PCNX4: variants seen among roughly 807,000 people sequenced by gnomAD.
PCNX4 encodes pecanex 4, also known as pecanex-like protein 4.
A neutral mutation model predicts 107.2 loss-of-function variants in PCNX4; 103 were observed. The ratio of observed to expected loss-of-function variants is 0.96; its 90% CI spans 0.82 to 1.13. The LOEUF is 1.13. Among genes scored for constraint, PCNX4 ranks in the 50% most tolerant of loss-of-function variants. PCNX4 has a pLI of 0.00. For synonymous variants in PCNX4, 541 were observed against 481.7 expected (o/e 1.12, Z -1.61); for missense variants, 1,528 against 1,379.4 (o/e 1.11, Z -1.71).
At chr14:60,121,835 A>G (rs575985805) in intron 8 of PCNX4, among the ~76,000 whole-genome samples, 4 of 152,234 alleles carry the variant, frequency 2.6e-5, no homozygotes, top group Admixed American at 6.5e-5. Flanking sequence ...GCACATTGCT[A>G]AGTCCAGTGA....
At position 60,134,262 on chromosome 14, in the gene PCNX4, AT is replaced by A. The variant is rs1343466024; in HGVS notation, c.*47del. 1 of 1,594,992 alleles carries A rather than the reference AT, an allele frequency of 6.3e-7. No individual in the cohort carries two copies. Among genetic ancestry groups the A allele is most frequent in the Non-Finnish European group, 8.6e-7 (1 of 1,168,250 alleles). Reference sequence around the variant, plus strand: ...TAATGTCATCAAATGCAATGTTTTTATTTTTTCATCCTAAAAAAGTAACTGT... The same window carrying A: ...TAATGTCATCAAATGCAATGTTTTTATTTTTCATCCTAAAAAAGTAACTGT... On this transcript the variant is annotated 3_prime_UTR_variant, in exon 11 of 11. Coordinates refer to ENST00000406854, the MANE Select transcript of PCNX4 (RefSeq NM_001330177.2).
rs180973549 is a variant in PCNX4 at position 60,112,843 on chromosome 14, C to T, written c.690-1857C>T. Among the ~76,000 whole-genome samples, 16 of 152,308 alleles carry T rather than the reference C, an allele frequency of 1.1e-4. No individual in the cohort carries two copies. In the East Asian group the frequency reaches 3.1e-3, roughly 29 times the overall value. On this transcript the variant is annotated intron_variant, in intron 2 of 10. Transcript: ENST00000406854. ...TTTTATTTTAACAAAGTATTGTCCTCTAATTTAACATCACATTGTTAATGT... is the reference window on the plus strand; with the variant it reads ...TTTTATTTTAACAAAGTATTGTCCTTTAATTTAACATCACATTGTTAATGT...
chr14:60,135,401 G>A lies in PCNX4; in HGVS notation c.*1180G>A, dbSNP rs191144272. 7.5e-4 allele frequency: 114 copies of A among 152,248 alleles called. No homozygotes were observed. The highest frequency in any genetic ancestry group is 2.6e-3 in the African/African-American group (107 of 41,526). The allele number at this position is 152,248 out of a possible 1,614,324, so 9.4% of individuals were successfully genotyped here. A position where few individuals can be genotyped will look rare whatever the true frequency, so the allele number is the denominator to read the frequency against. On this transcript the variant is annotated 3_prime_UTR_variant, in exon 11 of 11. Coordinates refer to ENST00000406854, the MANE Select transcript of PCNX4 (RefSeq NM_001330177.2). ...TTATTCTTTTTTTGGAGGTAATATA[G>A]TACAGTTACTAAGATAGGATTTTGT...
At chr14:60,125,278 T>G in intron 9 of PCNX4, 27 bp downstream of exon 9, 1 of 1,474,112 alleles carries the variant, frequency 6.8e-7, no homozygotes, top group Non-Finnish European at 9.0e-7. Flanking sequence ...ATATGTAAGT[T>G]ATAACATTGT....
chr14:60,098,680 TGTAATCCCA>T (rs1239773881), intron 1 of PCNX4, among the ~76,000 whole-genome samples: 2 of 152,188 alleles, frequency 1.3e-5, no homozygotes, highest in African/African-American at 2.4e-5. Context: ...GGCTCACACC[TGTAATCCCA>T]GCACTTTGGG....
intron 1 of PCNX4, among the ~76,000 whole-genome samples, chr14:60,095,198 G>A (rs1017954409): frequency 2.0e-5 from 3 of 152,212 alleles, no homozygotes; most frequent in African/African-American, 7.2e-5. Flanking sequence ...TCATGTAAGA[G>A]GTGGGTAGGG....
chr14:60,130,342 AC>A (rs147830568), intron 10 of PCNX4, among the ~76,000 whole-genome samples: 20,586 of 150,250 alleles, frequency 0.14, 1,683 homozygotes, highest in South Asian at 0.25. Context: ...AAAGACACAA[AC>A]CACATGATCA....
In PCNX4 at chr14:60,136,592, CT is replaced by C. The variant is rs1384498004; in HGVS notation, c.*2374del. 6.6e-6 allele frequency: 1 copy of C among 152,450 alleles called. No homozygotes were observed. The highest frequency in any genetic ancestry group is 1.5e-5 in the Non-Finnish European group (1 of 68,050). 9.4% of individuals were successfully genotyped at this position (152,450 alleles called of 1,614,324 possible). A position where few individuals can be genotyped will look rare whatever the true frequency, so the allele number is the denominator to read the frequency against. ...AGGGCAGCTTGACAGCAAATGCAGACTTTATGTCTAGCATAAAACCTACAGA... is the reference window on the plus strand; with the variant it reads ...AGGGCAGCTTGACAGCAAATGCAGACTTATGTCTAGCATAAAACCTACAGA... On this transcript the variant is annotated 3_prime_UTR_variant, in exon 11 of 11. Transcript: ENST00000406854.
At chr14:60,111,360 C>T (rs867322423) in intron 2 of PCNX4, among the ~76,000 whole-genome samples, 28 of 152,046 alleles carry the variant, frequency 1.8e-4, no homozygotes, top group African/African-American at 6.5e-4. Flanking sequence ...TAATCGAAAA[C>T]GTAAGGGGAG....
At chr14:60,117,631 C>A (rs1191885104) in intron 6 of PCNX4, among the ~76,000 whole-genome samples, 1 of 152,156 alleles carries the variant, frequency 6.6e-6, no homozygotes, top group African/African-American at 2.4e-5. Context: ...TTTCTTAGAA[C>A]ATATCCTTCT....
intron 10 of PCNX4, among the ~76,000 whole-genome samples, chr14:60,133,227 A>G (rs1001242461): frequency 3.3e-5 from 5 of 152,240 alleles, no homozygotes; most frequent in African/African-American, 9.6e-5. Context: ...AAATTTTATT[A>G]TATCCATATG....
intron 1 of PCNX4, among the ~76,000 whole-genome samples, chr14:60,095,672 G>T (rs987495013): frequency 6.6e-6 from 1 of 152,068 alleles, no homozygotes; most frequent in Non-Finnish European, 1.5e-5. Flanking sequence ...CTGGCCTCAG[G>T]TTGGTTTTTC....
At chr14:60,102,945 C>T (rs1895560595) in intron 1 of PCNX4, among the ~76,000 whole-genome samples, 3 of 152,218 alleles carry the variant, frequency 2.0e-5, no homozygotes, top group South Asian at 2.1e-4. Flanking sequence ...TTTAAATGTT[C>T]CAGGATCTGT....
Position 60,137,942 on chromosome 14 carries a change from A to C in PCNX4, c.*3721A>C, listed in dbSNP as rs894916610. On this transcript the variant is annotated 3_prime_UTR_variant, in exon 11 of 11. Coordinates refer to ENST00000406854, the MANE Select transcript of PCNX4 (RefSeq NM_001330177.2). ...ATCTGTAGTAAAAATAAAAAAAAAA[A>C]TAACCGGGTGTGGTGGTGGGTGCCT... The C allele has an allele frequency of 2.0e-5, 3 of 151,742 alleles. No homozygotes were observed. The highest frequency in any genetic ancestry group is 2.9e-5 in the Non-Finnish European group (2 of 67,958). The allele number at this position is 151,742 out of a possible 1,614,324, so 9.4% of individuals were successfully genotyped here. A position where few individuals can be genotyped will look rare whatever the true frequency, so the allele number is the denominator to read the frequency against.
rs201458384 is a variant in PCNX4, at chr14:60,115,758, G to T, written c.1397G>T (p.Ser466Ile). ...FAMIAFLSLD[S>I]SLQGLHSVSV... ...ATGATAGCATTTCTTTCATTGGACA[G>T]TTCCTTACAAGGGCTCCACTCAGTG... The change falls in exon 5 of 11, where the codon AGT becomes ATT. Residue 466 changes from serine (S) to isoleucine (I), a missense_variant. Ser to Ile is a moderately radical substitution (Grantham distance 142). Transcript: ENST00000406854. The T allele has an allele frequency of 3.1e-6, 5 of 1,613,334 alleles. No individual in the cohort carries two copies. Among genetic ancestry groups the T allele is most frequent in the African/African-American group, 1.3e-5 (1 of 74,916 alleles).
rs1896291014 is a variant in PCNX4 at position 60,140,220 on chromosome 14, A to G, written c.*5999A>G. On this transcript the variant is annotated 3_prime_UTR_variant, in exon 11 of 11. Coordinates refer to ENST00000406854, the MANE Select transcript of PCNX4 (RefSeq NM_001330177.2). The surrounding 1 kb of genome is among the most constrained non-coding windows in gnomAD (Gnocchi z 4.2). The stretch of plus-strand genomic sequence containing the variant: ...GAGTCATCTGACAAAATATGTGCAC[A>G]ACTTCATGCCAATTAGTTGGAAATT... 6.6e-6 allele frequency: 1 copy of G among 152,226 alleles called. No individual in the cohort carries two copies. Among genetic ancestry groups the G allele is most frequent in the African/African-American group, 2.4e-5 (1 of 41,468 alleles). 9.4% of individuals were successfully genotyped at this position (152,226 alleles called of 1,614,324 possible).
intron 10 of PCNX4, among the ~76,000 whole-genome samples, chr14:60,129,024 C>T (rs1008726566): frequency 4.6e-5 from 7 of 150,928 alleles, no homozygotes; most frequent in Admixed American, 1.3e-4. Flanking sequence ...ACCAGCCTGG[C>T]CAACATGGTG....
At chr14:60,100,102 A>G (rs1895500819) in intron 1 of PCNX4, among the ~76,000 whole-genome samples, 1 of 152,134 alleles carries the variant, frequency 6.6e-6, no homozygotes, top group Admixed American at 6.5e-5. Context: ...AGTAACAGGA[A>G]GAAAAGAAAA....
chr14:60,120,538 A>G (rs898567088), intron 7 of PCNX4, among the ~76,000 whole-genome samples: 1 of 152,204 alleles, frequency 6.6e-6, no homozygotes. Context: ...CACATATTGT[A>G]CAAGCCGACT....
Sources: allele counts gnomAD v4.1 joint callset (sites outside exome capture counted in the v4.1 genomes callset), GRCh38; gene constraint gnomAD v4.1.1; non-coding constraint Gnocchi (gnomAD v3.1); transcripts MANE v1.5; gene names NCBI Gene and HGNC (gene_info 2026-07-23, HGNC 2026-07-21).